The following AGPAT4 variants were observed in gnomAD, a reference collection of about 807,000 sequenced individuals.
The protein encoded by AGPAT4 is 1-acylglycerol-3-phosphate O-acyltransferase 4, also known as 1-acyl-sn-glycerol-3-phosphate acyltransferase delta.
A neutral mutation model predicts 48.0 loss-of-function variants in AGPAT4; 15 were observed. The ratio of observed to expected loss-of-function variants is 0.31; its 90% CI spans 0.21 to 0.48. The LOEUF (loss-of-function observed/expected upper bound fraction) is 0.48, where lower values mean the gene tolerates loss of function less well. Among genes scored for constraint, AGPAT4 ranks in the 20% least tolerant of loss-of-function variants. The pLI, the probability that AGPAT4 is intolerant of heterozygous loss-of-function variation, is 0.99. For synonymous variants in AGPAT4, 178 were observed against 198.7 expected (o/e 0.90, Z 0.88); for missense variants, 314 against 482.5 (o/e 0.65, Z 3.27).
In AGPAT4 at chr6:161,154,419, G is replaced by C. The variant is rs934173180; in HGVS notation, c.349-109C>G. 8 of 1,272,428 alleles carry C rather than the reference G, an allele frequency of 6.3e-6. No individual in the cohort carries two copies. The African/African-American group carries it at 1.0e-4, about 17-fold the overall frequency. The allele number at this position is 1,272,428 out of a possible 1,614,324, so 78.8% of individuals were successfully genotyped here. A position where few individuals can be genotyped will look rare whatever the true frequency, so the allele number is the denominator to read the frequency against. ...AGAGGAGGGGACGTTCACACCAGAC[G>C]CCTCGGGACAGTCCCAGAACACATG... On this transcript the variant is annotated intron_variant, in intron 3 of 8. Transcript: ENST00000320285. The surrounding 1 kb of genome is among the most constrained non-coding windows in gnomAD (Gnocchi z 7.8).
At chr6:161,209,756 G>A (rs933279429) in intron 2 of AGPAT4, among the ~76,000 whole-genome samples, 1 of 152,126 alleles carries the variant, frequency 6.6e-6, no homozygotes, top group Non-Finnish European at 1.5e-5. Flanking sequence ...ACCTTAAGCA[G>A]GTGTTCAACC....
At chr6:161,191,481 G>T (rs1780922784) in intron 2 of AGPAT4, among the ~76,000 whole-genome samples, 1 of 152,150 alleles carries the variant, frequency 6.6e-6, no homozygotes, top group African/African-American at 2.4e-5. Flanking sequence ...CCCCACCATG[G>T]CCCTAAAATT....
In AGPAT4 at chr6:161,218,184, A is replaced by G. The variant is rs1781708897; in HGVS notation, c.178+13852T>C. 6.6e-6 allele frequency among the ~76,000 whole-genome samples: 1 copy of G among 152,322 alleles called. No individual in the cohort carries two copies. Among genetic ancestry groups the G allele is most frequent in the Non-Finnish European group, 1.5e-5 (1 of 68,018 alleles). ...ACCCCCGTCCACAGTGACGGTGCCA[A>G]TGGTGCTGTGCTGGAAAATGGTTAA... On this transcript the variant is annotated intron_variant, in intron 2 of 8. Transcript: ENST00000320285. The surrounding 1 kb of genome is among the most constrained non-coding windows in gnomAD (Gnocchi z 4.7).
rs560554040 is a variant in AGPAT4 at position 161,197,558 on chromosome 6, T to C, written c.179-31141A>G. On this transcript the variant is annotated intron_variant, in intron 2 of 8. Coordinates refer to ENST00000320285, the MANE Select transcript of AGPAT4 (RefSeq NM_020133.3). The surrounding 1 kb of genome is among the most constrained non-coding windows in gnomAD (Gnocchi z 5.7). ...AGCCCTCTAGGAATGTACCGACTGA[T>C]GTACGCATTACTCCTGGGGCTCATG... Among the ~76,000 whole-genome samples the C allele has an allele frequency of 2.0e-4, 31 of 152,322 alleles. No individual in the cohort carries two copies. Among genetic ancestry groups the C allele is most frequent in the African/African-American group, 5.8e-4 (24 of 41,582 alleles).
At position 161,154,202 on chromosome 6, in the gene AGPAT4, T is replaced by G. The variant is rs149632427; in HGVS notation, c.457A>C (p.Lys153Gln). 1.6e-4 allele frequency: 265 copies of G among 1,613,914 alleles called. 1 individual carries two copies. The highest frequency in any genetic ancestry group is 2.1e-4 in the Non-Finnish European group (250 of 1,180,024). Residue 153 changes from lysine (K) to glutamine (Q), a missense_variant, in exon 4 of 9, where the codon AAG becomes CAG. Lys to Gln is a moderately conservative substitution (Grantham distance 53). Transcript: ENST00000320285. This position sits in a 1 kb window ranked among gnomAD's most constrained non-coding sequence, Gnocchi z 7.8. ...TGCTGCAAACTGGTGGCAACCGTCT[T>G]GCGATCCTGCTCCCACTTGCGCGAA... ...FCSRKWEQDR[K>Q]TVATSLQHLR...
intron 1 of AGPAT4, among the ~76,000 whole-genome samples, chr6:161,256,275 A>T (rs1452013031): frequency 1.3e-5 from 2 of 152,206 alleles, no homozygotes; most frequent in Non-Finnish European, 2.9e-5. Flanking sequence ...TAACACCCTA[A>T]GTTTCCCAGG....
chr6:161,149,382 G>A lies in AGPAT4; in HGVS notation c.665-93C>T. ...CACATTGGAAGACAATAATCAAATGGCTAACTGCTTATCTAGAAATGGTGT... is the reference window on the plus strand; with the variant it reads ...CACATTGGAAGACAATAATCAAATGACTAACTGCTTATCTAGAAATGGTGT... On this transcript the variant is annotated intron_variant, in intron 5 of 8. Coordinates refer to ENST00000320285, the MANE Select transcript of AGPAT4 (RefSeq NM_020133.3). The surrounding 1 kb of genome is among the most constrained non-coding windows in gnomAD (Gnocchi z 6.5). The A allele has an allele frequency of 9.4e-7, 1 of 1,066,612 alleles. No individual in the cohort carries two copies. Among genetic ancestry groups the A allele is most frequent in the Non-Finnish European group, 1.3e-6 (1 of 764,912 alleles). The allele number at this position is 1,066,612 out of a possible 1,614,324, so 66.1% of individuals were successfully genotyped here.
intron 3 of AGPAT4, among the ~76,000 whole-genome samples, chr6:161,163,133 G>T (rs965753014): frequency 6.6e-6 from 1 of 152,232 alleles, no homozygotes. Flanking sequence ...AAGGTTGAAA[G>T]CCTCTTTGTT....
At chr6:161,253,251 CT>C (rs1562358521) in intron 1 of AGPAT4, among the ~76,000 whole-genome samples, 1 of 145,838 alleles carries the variant, frequency 6.9e-6, no homozygotes, top group African/African-American at 2.5e-5. Flanking sequence ...TATGATCCAA[CT>C]TTTTTTAATT....
At chr6:161,170,946 G>C (rs1450115309) in intron 2 of AGPAT4, among the ~76,000 whole-genome samples, 2 of 152,296 alleles carry the variant, frequency 1.3e-5, no homozygotes, top group African/African-American at 4.8e-5. Flanking sequence ...CTTCCCACAA[G>C]ATTCTGTCCC....
rs149638164 is a variant in AGPAT4, at chr6:161,271,016, G to A, written c.-90+2922C>T. On this transcript the variant is annotated intron_variant, in intron 1 of 8. Coordinates refer to ENST00000320285, the MANE Select transcript of AGPAT4 (RefSeq NM_020133.3). ...TCTAGTGTAAGTCTGGCCTTTCGTT[G>A]TTAAGCTGAAGCTAAAAAAGTATTG... Among the ~76,000 whole-genome samples the A allele has an allele frequency of 1.0e-2, 1,517 of 152,286 alleles. 14 individuals carry two copies. Among genetic ancestry groups the A allele is most frequent in the South Asian group, 0.017 (82 of 4,818 alleles).
Position 161,195,171 on chromosome 6 carries a change from C to A in AGPAT4, c.179-28754G>T, listed in dbSNP as rs1245790064. ...AAGAATAAAATACAACTTAATTTAACCACACCAGAAACATAATTCAGAATT... is the reference window on the plus strand; with the variant it reads ...AAGAATAAAATACAACTTAATTTAAACACACCAGAAACATAATTCAGAATT... On this transcript the variant is annotated intron_variant, in intron 2 of 8. Transcript: ENST00000320285. The surrounding 1 kb of genome is among the most constrained non-coding windows in gnomAD (Gnocchi z 5.0). 6.6e-6 allele frequency among the ~76,000 whole-genome samples: 1 copy of A among 152,082 alleles called. No homozygotes were observed. Among genetic ancestry groups the A allele is most frequent in the African/African-American group, 2.4e-5 (1 of 41,422 alleles).
At chr6:161,209,357 T>C (rs1278555219) in intron 2 of AGPAT4, among the ~76,000 whole-genome samples, 1 of 152,226 alleles carries the variant, frequency 6.6e-6, no homozygotes, top group Non-Finnish European at 1.5e-5. Context: ...AAGGGCTTCA[T>C]TACCACTCCT....
Position 161,217,068 on chromosome 6 carries a change from C to T in AGPAT4, c.178+14968G>A, listed in dbSNP as rs1781666148. On this transcript the variant is annotated intron_variant, in intron 2 of 8. Transcript: ENST00000320285. The surrounding 1 kb of genome is among the most constrained non-coding windows in gnomAD (Gnocchi z 4.9). The stretch of plus-strand genomic sequence containing the variant: ...AGGCTTTCCTGTCCTTGTCAATTTC[C>T]GTTTAGGTGTTTTATCATTAGGGCC... 6.6e-6 allele frequency among the ~76,000 whole-genome samples: 1 copy of T among 152,156 alleles called. No homozygotes were observed. The highest frequency in any genetic ancestry group is 2.4e-5 in the African/African-American group (1 of 41,444).
rs1455867083 is a variant in AGPAT4 at position 161,242,093 on chromosome 6, G to C, written c.-89-9791C>G. 4.6e-5 allele frequency among the ~76,000 whole-genome samples: 7 copies of C among 152,178 alleles called. No homozygotes were observed. Among genetic ancestry groups the C allele is most frequent in the African/African-American group, 1.7e-4 (7 of 41,442 alleles). On this transcript the variant is annotated intron_variant, in intron 1 of 8. Transcript: ENST00000320285. The surrounding 1 kb of genome is among the most constrained non-coding windows in gnomAD (Gnocchi z 5.0). ...AATCATAACCAGTGCAGCAGCATCA[G>C]TATAAAAAATGTTTAGCATATATTA...
chr6:161,177,262 G>A lies in AGPAT4; in HGVS notation c.179-10845C>T, dbSNP rs1388852062. ...TTTCCAACGTGGTTCCATTCTCCCC[G>A]TCACTTTCAGGTACATCAATCAGAC... On this transcript the variant is annotated intron_variant, in intron 2 of 8. Coordinates refer to ENST00000320285, the MANE Select transcript of AGPAT4 (RefSeq NM_020133.3). This position sits in a 1 kb window ranked among gnomAD's most constrained non-coding sequence, Gnocchi z 5.0. 5.3e-5 allele frequency among the ~76,000 whole-genome samples: 8 copies of A among 152,252 alleles called. No individual in the cohort carries two copies. The highest frequency in any genetic ancestry group is 1.2e-4 in the African/African-American group (5 of 41,560).
rs1779123819 is a variant in AGPAT4 at position 161,137,897 on chromosome 6, T to TGGAGA, written c.1043-1268_1043-1264dup. ...CCATACTGCACCCCTCAGATGCTCC[T>TGGAGA]GGAGACGCCCTGTGTCCACACTGCA... On this transcript the variant is annotated intron_variant, in intron 8 of 8. Transcript: ENST00000320285. The surrounding 1 kb of genome is among the most constrained non-coding windows in gnomAD (Gnocchi z 6.1). 6.6e-6 allele frequency among the ~76,000 whole-genome samples: 1 copy of TGGAGA among 152,102 alleles called. No individual in the cohort carries two copies. The highest frequency in any genetic ancestry group is 1.5e-5 in the Non-Finnish European group (1 of 68,012).
chr6:161,238,053 T>TG lies in AGPAT4; in HGVS notation c.-89-5752dup, dbSNP rs1293714610. ...CTGGAAGCCAAGCACTGCTGTGTGT[T>TG]GGGGGGCTGGGGGTGGGGGGGTAAT... On this transcript the variant is annotated intron_variant, in intron 1 of 8. Coordinates refer to ENST00000320285, the MANE Select transcript of AGPAT4 (RefSeq NM_020133.3). This position sits in a 1 kb window ranked among gnomAD's most constrained non-coding sequence, Gnocchi z 5.2. Among the ~76,000 whole-genome samples the TG allele has an allele frequency of 1.8e-4, 1 of 5,472 alleles. No individual in the cohort carries two copies. The highest frequency in any genetic ancestry group is 3.5e-4 in the Non-Finnish European group (1 of 2,844). The allele number at this position is 5,472 out of a possible 152,430, so 3.6% of individuals were successfully genotyped here.
At chr6:161,162,211 G>A (rs553615029) in intron 3 of AGPAT4, among the ~76,000 whole-genome samples, 1 of 152,228 alleles carries the variant, frequency 6.6e-6, no homozygotes, top group Admixed American at 6.5e-5. Flanking sequence ...CCGTGGGGTG[G>A]GCAGCCGCCA....
Sources: allele counts gnomAD v4.1 joint callset (sites outside exome capture counted in the v4.1 genomes callset), GRCh38; gene constraint gnomAD v4.1.1; non-coding constraint Gnocchi (gnomAD v3.1); transcripts MANE v1.5; gene names NCBI Gene and HGNC (gene_info 2026-07-23, HGNC 2026-07-21).